LYRM2: variants seen among roughly 807,000 people sequenced by gnomAD.
LYRM2 encodes the protein LYR motif containing 2.
Under a neutral mutation model 11.6 loss-of-function variants are expected in LYRM2, and 8 were observed. The observed-to-expected ratio is 0.69, with a 90% confidence interval of 0.40 to 1.24. The LOEUF (loss-of-function observed/expected upper bound fraction) is 1.24. Ranked by LOEUF, LYRM2 falls within the 50% of genes most tolerant of loss-of-function variation. LYRM2 has a pLI of 0.01. For missense variants in LYRM2, 117 were observed against 102.9 expected (o/e 1.14, Z -0.59); for synonymous variants, 30 against 36.4 (o/e 0.83, Z 0.63).
In LYRM2 at chr6:89,637,176, T is replaced by C. The variant is rs80257585; in HGVS notation, c.*97A>G. 20 of 683,544 alleles carry C rather than the reference T, an allele frequency of 2.9e-5. No individual in the cohort carries two copies. In the East Asian group the frequency reaches 4.7e-4, roughly 16 times the overall value. 42.3% of individuals were successfully genotyped at this position (683,544 alleles called of 1,614,324 possible). A position where few individuals can be genotyped will look rare whatever the true frequency, so the allele number is the denominator to read the frequency against. ...GCTCTCTATCACCAAATACTGTACATATAAATAGTAAGACTGGGCTTTGTG... is the reference window on the plus strand; with the variant it reads ...GCTCTCTATCACCAAATACTGTACACATAAATAGTAAGACTGGGCTTTGTG... On this transcript the variant is annotated 3_prime_UTR_variant, in exon 3 of 3. Coordinates refer to ENST00000523377, the MANE Select transcript of LYRM2 (RefSeq NM_020466.5).
At chr6:89,638,428 C>G in intron 1 of LYRM2, 1 of 1,429,802 alleles carries the variant, frequency 7.0e-7, no homozygotes, top group Non-Finnish European at 9.1e-7. Context: ...AGCTGAGGCA[C>G]CGGGACTCAG....
In LYRM2 at chr6:89,637,058, C is replaced by T. The variant is rs3196380; in HGVS notation, c.*215G>A. On this transcript the variant is annotated 3_prime_UTR_variant, in exon 3 of 3. Transcript: ENST00000523377. ...GCCATTTGTTAGTGGTTTTTTTCTT[C>T]TTTTAAGAACTGCTGAGACATCCAT... 2.4e-6 allele frequency: 1 copy of T among 417,528 alleles called. No homozygotes were observed. The highest frequency in any genetic ancestry group is 4.3e-6 in the Non-Finnish European group (1 of 233,790). 25.9% of individuals were successfully genotyped at this position (417,528 alleles called of 1,614,324 possible).
At position 89,636,680 on chromosome 6, in the gene LYRM2, G is replaced by GCTTTTTTTTTTTTT. The variant is rs1275271207; in HGVS notation, c.*592_*593insAAAAAAAAAAAAAG. ...TCTAGTGAATGTGAATCTCAGGGTT[G>GCTTTTTTTTTTTTT]TTTTTTTTTTTTTTTTTTAGAGACT... On this transcript the variant is annotated 3_prime_UTR_variant, in exon 3 of 3. Coordinates refer to ENST00000523377, the MANE Select transcript of LYRM2 (RefSeq NM_020466.5). 6 of 129,504 alleles carry GCTTTTTTTTTTTTT rather than the reference G, an allele frequency of 4.6e-5. 1 individual carries two copies. Among genetic ancestry groups the GCTTTTTTTTTTTTT allele is most frequent in the Non-Finnish European group, 6.6e-5 (4 of 60,952 alleles). 8.0% of individuals were successfully genotyped at this position (129,504 alleles called of 1,614,324 possible).
rs1808031790 is a variant in LYRM2 at position 89,637,289 on chromosome 6, G to A, written c.251C>T (p.Ala84Val). 3 of 1,555,114 alleles carry A rather than the reference G, an allele frequency of 1.9e-6. No homozygotes were observed. Among genetic ancestry groups the A allele is most frequent in the African/African-American group, 2.7e-5 (2 of 73,698 alleles). ...ATGCTATAGTTAAGATTTTGCTAAA[G>A]CAAGTGTTTTTTCTAACTCCTTGAG... is the stretch of plus-strand genomic sequence containing the variant. Reference protein sequence around the residue: ...MQLKELEKTLALAKS With the variant: ...MQLKELEKTLVLAKS The change falls in exon 3 of 3, where the codon GCT becomes GTT. Residue 84 changes from alanine to valine, a missense_variant. Ala to Val is a moderately conservative substitution (Grantham distance 64, BLOSUM62 0). Transcript: ENST00000523377.
In LYRM2 at chr6:89,637,828, G is replaced by C. The variant is rs11553069; in HGVS notation, c.100C>G (p.Arg34Gly). The stretch of plus-strand genomic sequence containing the variant: ...CGATCAGAATCATTTGGAACTTGCC[G>C]AATTGTTTGCAAAATCCTTCTGTAG... ...LLYRRILQTI[R>G]QVPNDSDRKY... The change falls in exon 2 of 3, where the codon CGG (arginine) becomes GGG (glycine). Residue 34 changes from arginine to glycine, a missense_variant. By Grantham distance (125) the Arg-to-Gly change is moderately radical. Coordinates refer to ENST00000523377, the MANE Select transcript of LYRM2 (RefSeq NM_020466.5). The C allele has an allele frequency of 6.2e-7, 1 of 1,613,918 alleles. No individual in the cohort carries two copies. Among genetic ancestry groups the C allele is most frequent in the Non-Finnish European group, 8.5e-7 (1 of 1,179,972 alleles).
rs1238512891 is a variant in LYRM2, at chr6:89,637,587, AAAT to A, written c.186+152_186+154del. On this transcript the variant is annotated intron_variant, in intron 2 of 2. Coordinates refer to ENST00000523377, the MANE Select transcript of LYRM2 (RefSeq NM_020466.5). Reference sequence around the variant, plus strand: ...ACATATTTTAAAATACTAAATTTTAAAATAATAATTTAAAATCGGTAACATTAC... The same window carrying A: ...ACATATTTTAAAATACTAAATTTTAAAATAATTTAAAATCGGTAACATTAC... The A allele has an allele frequency of 3.6e-4, 258 of 709,222 alleles. 1 individual carries two copies. Among genetic ancestry groups the A allele is most frequent in the East Asian group, 1.6e-3 (55 of 35,136 alleles). The allele number at this position is 709,222 out of a possible 1,614,324, so 43.9% of individuals were successfully genotyped here.
intron 1 of LYRM2, 139 bp from the exon 2 acceptor site, chr6:89,638,021 C>CT (rs1296523051): frequency 6.4e-6 from 6 of 940,120 alleles, no homozygotes; most frequent in Admixed American, 2.7e-5. Flanking sequence ...TTTTTTTTTT[C>CT]TTTTTTTGGC....
At chr6:89,638,126 T>C (rs2128295783) in intron 1 of LYRM2, 1 of 608,430 alleles carries the variant, frequency 1.6e-6, no homozygotes, top group South Asian at 3.1e-5. Context: ...AGGTAAGCCT[T>C]CATTGCGCTA....
Position 89,633,434 on chromosome 6 carries a change from CT to C in LYRM2, c.*3838del, listed in dbSNP as rs2128293916. On this transcript the variant is annotated 3_prime_UTR_variant, in exon 3 of 3. Transcript: ENST00000523377. ...CTGCTAAAGTGAGTAAATGCCACAA[CT>C]GTACTTTTCCAAAGAAAAAGAACTA... The C allele has an allele frequency of 6.6e-6, 1 of 152,314 alleles. No homozygotes were observed. Among genetic ancestry groups the C allele is most frequent in the South Asian group, 2.1e-4 (1 of 4,830 alleles). 9.4% of individuals were successfully genotyped at this position (152,314 alleles called of 1,614,324 possible). A position where few individuals can be genotyped will look rare whatever the true frequency, so the allele number is the denominator to read the frequency against.
At position 89,632,689 on chromosome 6, in the gene LYRM2, G is replaced by A. The variant is rs773857400; in HGVS notation, c.*4584C>T. 6.6e-6 allele frequency: 1 copy of A among 152,134 alleles called. No homozygotes were observed. The highest frequency in any genetic ancestry group is 2.1e-4 in the South Asian group (1 of 4,830). The allele number at this position is 152,134 out of a possible 1,614,324, so 9.4% of individuals were successfully genotyped here. On this transcript the variant is annotated 3_prime_UTR_variant, in exon 3 of 3. Coordinates refer to ENST00000523377, the MANE Select transcript of LYRM2 (RefSeq NM_020466.5). Reference sequence around the variant, plus strand: ...AGCTTGTCTTGTTCTCAACTACTACGCAGGTAGACAGTCTTCCCCCAGAGA... The same window carrying A: ...AGCTTGTCTTGTTCTCAACTACTACACAGGTAGACAGTCTTCCCCCAGAGA...
chr6:89,637,253 C>T lies in LYRM2; in HGVS notation c.*20G>A, dbSNP rs148865147. ...CAAAACACATGGAGACTTTGAAAAT[C>T]CTTCAGAATAATGCTATAGTTAAGA... On this transcript the variant is annotated 3_prime_UTR_variant, in exon 3 of 3. Transcript: ENST00000523377. The T allele has an allele frequency of 1.1e-3, 1,278 of 1,181,270 alleles. 10 individuals carry two copies. In the African/African-American group the frequency reaches 0.017, roughly 16 times the overall value. 73.2% of individuals were successfully genotyped at this position (1,181,270 alleles called of 1,614,324 possible).
At chr6:89,638,043 G>A (rs934899858) in intron 1 of LYRM2, among the ~76,000 whole-genome samples, 161 bp from the exon 2 acceptor site, 2 of 152,068 alleles carry the variant, frequency 1.3e-5, no homozygotes, top group Non-Finnish European at 2.9e-5. Context: ...AGATGCAGTG[G>A]CTCAGGCCTG....
rs1808095798 is a variant in LYRM2, at chr6:89,638,706, G to A, written c.11C>T (p.Ser4Phe). 3 of 1,614,094 alleles carry A rather than the reference G, an allele frequency of 1.9e-6. No individual in the cohort carries two copies. The highest frequency in any genetic ancestry group is 2.5e-6 in the Non-Finnish European group (3 of 1,179,986). Reference protein sequence around the residue: MAASRLPPATLTLK... With the variant: MAAFRLPPATLTLK... The stretch of plus-strand genomic sequence containing the variant: ...CGTTAGCGTCGCTGGGGGTAAGCGG[G>A]AAGCAGCCATGTCCACCAGAGGTCC... The change falls in exon 1 of 3, where the codon TCC becomes TTC. Residue 4 changes from serine to phenylalanine, a missense_variant. By Grantham distance (155) the Ser-to-Phe change is radical (BLOSUM62 -2). Coordinates refer to ENST00000523377, the MANE Select transcript of LYRM2 (RefSeq NM_020466.5).
chr6:89,637,647 C>T, intron 2 of LYRM2, 95 bp downstream of exon 2: 2 of 1,173,074 alleles, frequency 1.7e-6, no homozygotes, highest in Middle Eastern at 2.9e-4. Context: ...AGCTCAGTGG[C>T]ACTATATTCC....
intron 1 of LYRM2, 128 bp downstream of exon 1, chr6:89,638,543 CG>C (rs1808086634): frequency 3.2e-5 from 51 of 1,577,794 alleles, no homozygotes; most frequent in Non-Finnish European, 4.3e-5. Context: ...CCGCAGGCAT[CG>C]GGCCAATCTC....
At chr6:89,637,484 G>A in intron 2 of LYRM2, 131 bp from the exon 3 acceptor site, 1 of 664,624 alleles carries the variant, frequency 1.5e-6, no homozygotes, top group East Asian at 2.8e-5. Flanking sequence ...AGCTAAAAGA[G>A]TTCCACATAC....
chr6:89,635,554 T>C lies in LYRM2; in HGVS notation c.*1719A>G, dbSNP rs1425092355. On this transcript the variant is annotated 3_prime_UTR_variant, in exon 3 of 3. Coordinates refer to ENST00000523377, the MANE Select transcript of LYRM2 (RefSeq NM_020466.5). The stretch of plus-strand genomic sequence containing the variant: ...CTCTCAGACACAGTCCAGTACTGGA[T>C]ACCATTTATCATTCTGCAAAATGTT... 3.9e-5 allele frequency: 6 copies of C among 152,512 alleles called. No individual in the cohort carries two copies. Among genetic ancestry groups the C allele is most frequent in the African/African-American group, 9.6e-5 (4 of 41,466 alleles). The allele number at this position is 152,512 out of a possible 1,614,324, so 9.4% of individuals were successfully genotyped here.
chr6:89,636,436 A>ATAAG lies in LYRM2; in HGVS notation c.*833_*836dup, dbSNP rs1389815048. The ATAAG allele has an allele frequency of 2.0e-5, 3 of 152,166 alleles. No individual in the cohort carries two copies. The highest frequency in any genetic ancestry group is 4.4e-5 in the Non-Finnish European group (3 of 68,034). The allele number at this position is 152,166 out of a possible 1,614,324, so 9.4% of individuals were successfully genotyped here. A position where few individuals can be genotyped will look rare whatever the true frequency, so the allele number is the denominator to read the frequency against. On this transcript the variant is annotated 3_prime_UTR_variant, in exon 3 of 3. Coordinates refer to ENST00000523377, the MANE Select transcript of LYRM2 (RefSeq NM_020466.5). ...CAAGGTTTATCCATGTTTAGTATAT[A>ATAAG]TAAGTCCTTCGTTTCTTTTTAGTGC...
rs1396533778 is a variant in LYRM2 at position 89,637,128 on chromosome 6, C to T, written c.*145G>A. On this transcript the variant is annotated 3_prime_UTR_variant, in exon 3 of 3. Transcript: ENST00000523377. Reference sequence around the variant, plus strand: ...GGTATGTTTTTCAGTGTTAAGGCAACTGTTCTGATGTGTTTTTCCTTTGCT... The same window carrying T: ...GGTATGTTTTTCAGTGTTAAGGCAATTGTTCTGATGTGTTTTTCCTTTGCT... 1 of 521,700 alleles carries T rather than the reference C, an allele frequency of 1.9e-6. No individual in the cohort carries two copies. The highest frequency in any genetic ancestry group is 2.0e-5 in the African/African-American group (1 of 50,928). The allele number at this position is 521,700 out of a possible 1,614,324, so 32.3% of individuals were successfully genotyped here.
Sources: allele counts gnomAD v4.1 joint callset (sites outside exome capture counted in the v4.1 genomes callset), GRCh38; gene constraint gnomAD v4.1.1; transcripts MANE v1.5; gene names NCBI Gene and HGNC (gene_info 2026-07-23, HGNC 2026-07-21).